ARB2A: variants seen among roughly 807,000 people sequenced by gnomAD.
ARB2A encodes the protein cotranscriptional regulator ARB2A.
the ARB2A span, among the ~76,000 whole-genome samples, chr5:93,993,857 G>A: frequency 6.6e-6 from 1 of 150,974 alleles, no homozygotes; most frequent in Non-Finnish European, 1.5e-5. Flanking sequence ...TTATTTAAAA[G>A]ATTCAAAAAT....
chr5:93,687,035 T>C, the ARB2A span, among the ~76,000 whole-genome samples: 6 of 151,806 alleles, frequency 4.0e-5, no homozygotes, highest in African/African-American at 1.5e-4. Flanking sequence ...AGCAAAAAGA[T>C]AAAAAGGCAA....
chr5:93,874,596 G>C, the ARB2A span, among the ~76,000 whole-genome samples: 1 of 152,112 alleles, frequency 6.6e-6, no homozygotes, highest in Admixed American at 6.6e-5. Flanking sequence ...GTAAACATAA[G>C]TATTTTCCTG....
At chr5:93,837,550 T>C in the ARB2A span, among the ~76,000 whole-genome samples, 2 of 152,086 alleles carry the variant, frequency 1.3e-5, no homozygotes, top group African/African-American at 2.4e-5. Flanking sequence ...ATTCTGAGTT[T>C]TTTTGAAACT....
At chr5:93,950,954 A>AT in the ARB2A span, among the ~76,000 whole-genome samples, 18 of 147,884 alleles carry the variant, frequency 1.2e-4, no homozygotes, top group East Asian at 2.3e-3. Context: ...AAAAAAAAAA[A>AT]AAAATAAAAT....
the ARB2A span, among the ~76,000 whole-genome samples, chr5:93,895,866 C>T: frequency 6.6e-6 from 1 of 151,592 alleles, no homozygotes. Context: ...ATACATAAAC[C>T]ACCCTTAATT....
the ARB2A span, chr5:93,620,731 G>C: frequency 2.6e-6 from 1 of 378,136 alleles, no homozygotes; most frequent in Middle Eastern, 3.3e-4. Context: ...GGCGCTGTCA[G>C]CCTTAATGTG....
the ARB2A span, among the ~76,000 whole-genome samples, chr5:93,657,368 G>A: frequency 6.6e-6 from 1 of 152,086 alleles, no homozygotes. Context: ...AGACCTTCCT[G>A]TCTTTCTTCT....
the ARB2A span, among the ~76,000 whole-genome samples, chr5:93,885,442 C>T: frequency 6.6e-6 from 1 of 151,506 alleles, no homozygotes; most frequent in Non-Finnish European, 1.5e-5. Flanking sequence ...TACATCGAAA[C>T]CCTTTCTCTT....
chr5:93,976,084 C>A, the ARB2A span, among the ~76,000 whole-genome samples: 20 of 151,978 alleles, frequency 1.3e-4, 1 homozygote, highest in Admixed American at 1.3e-3. Flanking sequence ...GGATAGTTCA[C>A]CATATGCAAA....
At chr5:93,940,037 A>G in the ARB2A span, among the ~76,000 whole-genome samples, 3 of 151,974 alleles carry the variant, frequency 2.0e-5, no homozygotes, top group African/African-American at 7.2e-5. Flanking sequence ...AAAAGGTTCA[A>G]TCTTTCTGAG....
the ARB2A span, among the ~76,000 whole-genome samples, chr5:93,906,523 AAAATATTGAGTGTCAC>A: frequency 5.3e-5 from 8 of 151,712 alleles, no homozygotes; most frequent in African/African-American, 9.6e-5. Flanking sequence ...GCAATTTGTA[AAAATATTGAGTGTCAC>A]AAATATTGAG....
the ARB2A span, among the ~76,000 whole-genome samples, chr5:94,063,828 C>T: frequency 6.6e-6 from 1 of 152,110 alleles, no homozygotes; most frequent in Non-Finnish European, 1.5e-5. Context: ...ACTCAACCAA[C>T]ACCATAGATA....
At chr5:93,862,260 T>G in the ARB2A span, 3 of 152,188 alleles carry the variant, frequency 2.0e-5, no homozygotes. Context: ...GTTACTGAAG[T>G]AGTAACAGCA....
chr5:93,850,365 C>T, the ARB2A span, among the ~76,000 whole-genome samples: 1 of 152,220 alleles, frequency 6.6e-6, no homozygotes, highest in Admixed American at 6.5e-5. Flanking sequence ...CTTCCAGAAC[C>T]TTAGCTGTGA....
the ARB2A span, among the ~76,000 whole-genome samples, chr5:94,073,666 A>G: frequency 3.9e-5 from 6 of 152,132 alleles, no homozygotes; most frequent in African/African-American, 1.4e-4. Context: ...CTATTTAGAC[A>G]GAAACTGTGA....
the ARB2A span, chr5:93,737,445 T>C: frequency 1.3e-5 from 2 of 152,242 alleles, no homozygotes; most frequent in African/African-American, 4.8e-5. Context: ...CTAAAATTCC[T>C]ATGAAATTTC....
At chr5:93,760,564 A>G in the ARB2A span, among the ~76,000 whole-genome samples, 2 of 152,230 alleles carry the variant, frequency 1.3e-5, no homozygotes, top group Admixed American at 6.5e-5. Flanking sequence ...ACATAGATCA[A>G]TGGAACAGAA....
the ARB2A span, among the ~76,000 whole-genome samples, chr5:93,720,153 A>G: frequency 6.6e-6 from 1 of 152,206 alleles, no homozygotes; most frequent in Non-Finnish European, 1.5e-5. Flanking sequence ...TTTTAGAAAC[A>G]TAGAACCCTA....
chr5:93,716,776 T>C, the ARB2A span, among the ~76,000 whole-genome samples: 1 of 149,156 alleles, frequency 6.7e-6, no homozygotes, highest in Non-Finnish European at 1.5e-5. Context: ...ATATTTTCAA[T>C]CAACCTCAAA....
Sources: allele counts gnomAD v4.1 joint callset (sites outside exome capture counted in the v4.1 genomes callset), GRCh38; gene constraint gnomAD v4.1.1; transcripts MANE v1.5; gene names NCBI Gene and HGNC (gene_info 2026-07-23, HGNC 2026-07-21).